The following STRN variants were observed in gnomAD, a reference collection of about 807,000 sequenced individuals.
The protein encoded by STRN is striatin.
A neutral mutation model predicts 96.3 loss-of-function variants in STRN; 53 were observed. The observed-to-expected ratio is 0.55, with a 90% CI of 0.44 to 0.69. The LOEUF is 0.69. STRN is among the 30% of genes least tolerant of loss of function. The pLI, the probability that STRN is intolerant of heterozygous loss-of-function variation, is 0.00. For synonymous variants in STRN, 428 were observed against 355.9 expected (o/e 1.20, Z -2.28); for missense variants, 987 against 963.9 (o/e 1.02, Z -0.32).
intron 1 of STRN, among the ~76,000 whole-genome samples, chr2:36,934,756 T>C (rs1670659436): frequency 6.6e-6 from 1 of 152,180 alleles, no homozygotes; most frequent in Non-Finnish European, 1.5e-5. Context: ...TCCACATTCC[T>C]ACTCACACAT....
intron 1 of STRN, among the ~76,000 whole-genome samples, chr2:36,953,039 A>T (rs946232394): frequency 6.6e-6 from 1 of 152,240 alleles, no homozygotes; most frequent in African/African-American, 2.4e-5. Flanking sequence ...TTTATTTCTC[A>T]TAACTAGATA....
chr2:36,876,191 G>C (rs1192734033), intron 10 of STRN, among the ~76,000 whole-genome samples: 1 of 151,876 alleles, frequency 6.6e-6, no homozygotes, highest in Non-Finnish European at 1.5e-5. Flanking sequence ...GATCATTTGA[G>C]CCCGGTGGGG....
chr2:36,933,307 T>A (rs2148242679), intron 1 of STRN, among the ~76,000 whole-genome samples: 1 of 152,322 alleles, frequency 6.6e-6, no homozygotes, highest in East Asian at 1.9e-4. Context: ...CCACCTTATA[T>A]AAGAAAATTG....
At chr2:36,952,016 G>A (rs1176737263) in intron 1 of STRN, among the ~76,000 whole-genome samples, 1 of 152,196 alleles carries the variant, frequency 6.6e-6, no homozygotes, top group Non-Finnish European at 1.5e-5. Flanking sequence ...GCCTGATGAT[G>A]TGAGGTGGAA....
intron 6 of STRN, among the ~76,000 whole-genome samples, chr2:36,894,478 T>A (rs1278796049): frequency 6.6e-6 from 1 of 152,186 alleles, no homozygotes; most frequent in Admixed American, 6.5e-5. Flanking sequence ...TTTTCTATAT[T>A]TAGAAATAAC....
At chr2:36,855,421 C>G in intron 14 of STRN, 69 bp from the exon 15 acceptor site, 1 of 1,525,104 alleles carries the variant, frequency 6.6e-7, no homozygotes, top group Admixed American at 2.1e-5. Flanking sequence ...TAAAATAGAG[C>G]AAAACAAAAA....
At position 36,869,604 on chromosome 2, in the gene STRN, C is replaced by G; in HGVS notation, c.1449G>C (p.Glu483Asp). 1 of 1,605,920 alleles carries G rather than the reference C, an allele frequency of 6.2e-7. No homozygotes were observed. The highest frequency in any genetic ancestry group is 8.5e-7 in the Non-Finnish European group (1 of 1,175,960). Residue 483 changes from glutamate to aspartate, a missense_variant, in exon 11 of 18, where the codon GAG becomes GAC. By Grantham distance (45) the Glu-to-Asp change is conservative. Coordinates refer to ENST00000263918, the MANE Select transcript of STRN (RefSeq NM_003162.4). ...PIEPVLITAS[E>D]DHTLKMWNLQ... ...AATTCCACATTTTTAATGTGTGATC[C>G]TCTGATGCTGTTATCAAAACAGGCT... is the stretch of plus-strand genomic sequence containing the variant.
At chr2:36,940,652 C>G (rs1403050901) in intron 1 of STRN, among the ~76,000 whole-genome samples, 1 of 150,446 alleles carries the variant, frequency 6.6e-6, no homozygotes, top group South Asian at 2.1e-4. Context: ...ATGGTGAAAC[C>G]CCATCTCTAC....
At chr2:36,904,183 G>C (rs777808751) in intron 4 of STRN, among the ~76,000 whole-genome samples, 1 of 152,094 alleles carries the variant, frequency 6.6e-6, no homozygotes, top group Non-Finnish European at 1.5e-5. Flanking sequence ...CAAAGTGTGG[G>C]CATTAGTAAA....
At chr2:36,894,839 C>T (rs1669497267) in intron 6 of STRN, among the ~76,000 whole-genome samples, 1 of 152,150 alleles carries the variant, frequency 6.6e-6, no homozygotes, top group South Asian at 2.1e-4. Flanking sequence ...AGATGACAAA[C>T]ACGTGACTTG....
chr2:36,855,830 C>T (rs1668331056), intron 14 of STRN, among the ~76,000 whole-genome samples: 1 of 151,872 alleles, frequency 6.6e-6, no homozygotes, highest in Non-Finnish European at 1.5e-5. Flanking sequence ...CTCATCAAAG[C>T]CTGGAAAGAA....
chr2:36,911,207 G>A (rs78058526), intron 3 of STRN, among the ~76,000 whole-genome samples: 1 of 152,074 alleles, frequency 6.6e-6, no homozygotes, highest in Non-Finnish European at 1.5e-5. Flanking sequence ...AAATCAATAT[G>A]CATGTAGGAG....
rs1389937493 is a variant in STRN at position 36,955,075 on chromosome 2, G to A, written c.234+11155C>T. Reference sequence around the variant, plus strand: ...AATCAGTGATAAGAATTTAAATTATGACAGCTATTCAAACCATACTTAATC... The same window carrying A: ...AATCAGTGATAAGAATTTAAATTATAACAGCTATTCAAACCATACTTAATC... On this transcript the variant is annotated intron_variant, in intron 1 of 17. Transcript: ENST00000263918. 8.5e-5 allele frequency among the ~76,000 whole-genome samples: 13 copies of A among 152,138 alleles called. No homozygotes were observed. In the East Asian group the frequency reaches 2.5e-3, roughly 29 times the overall value.
At chr2:36,924,026 T>C (rs1025096933) in intron 2 of STRN, among the ~76,000 whole-genome samples, 13 of 152,054 alleles carry the variant, frequency 8.5e-5, no homozygotes, top group African/African-American at 3.1e-4. Context: ...TCTGGAGAGA[T>C]TGTAACGGCA....
rs1399672278 is a variant in STRN, at chr2:36,843,213, T to C, written c.*6243A>G. Among the ~76,000 whole-genome samples the C allele has an allele frequency of 2.0e-5, 3 of 152,100 alleles. No individual in the cohort carries two copies. The highest frequency in any genetic ancestry group is 7.2e-5 in the African/African-American group (3 of 41,412). On this transcript the variant is annotated 3_prime_UTR_variant, in exon 18 of 18. Transcript: ENST00000263918. Reference sequence around the variant, plus strand: ...TATAATACTCATTAGTATACCAGCATACAGAACACCAAACAATGGTGGATA... The same window carrying C: ...TATAATACTCATTAGTATACCAGCACACAGAACACCAAACAATGGTGGATA...
rs1169651312 is a variant in STRN, at chr2:36,848,428, G to A, written c.*1028C>T. The A allele has an allele frequency of 1.3e-5, 2 of 152,128 alleles. No homozygotes were observed. Among genetic ancestry groups the A allele is most frequent in the African/African-American group, 2.4e-5 (1 of 41,406 alleles). 9.4% of individuals were successfully genotyped at this position (152,128 alleles called of 1,614,324 possible). A position where few individuals can be genotyped will look rare whatever the true frequency, so the allele number is the denominator to read the frequency against. On this transcript the variant is annotated 3_prime_UTR_variant, in exon 18 of 18. Coordinates refer to ENST00000263918, the MANE Select transcript of STRN (RefSeq NM_003162.4). ...TATTAATAATTATGAACTGTTCTTGGTAGATGTCAGATAACTTGAACGTGA... is the reference window on the plus strand; with the variant it reads ...TATTAATAATTATGAACTGTTCTTGATAGATGTCAGATAACTTGAACGTGA...
At chr2:36,919,732 G>C (rs987259165) in intron 2 of STRN, among the ~76,000 whole-genome samples, 5 of 152,194 alleles carry the variant, frequency 3.3e-5, no homozygotes, top group East Asian at 1.9e-4. Context: ...AAGGAGGACA[G>C]TTAAGTTACT....
In STRN at chr2:36,838,417, A is replaced by G. The variant is rs753605941; in HGVS notation, c.*11039T>C. Among the ~76,000 whole-genome samples the G allele has an allele frequency of 6.6e-6, 1 of 152,218 alleles. No individual in the cohort carries two copies. The highest frequency in any genetic ancestry group is 1.5e-5 in the Non-Finnish European group (1 of 68,030). ...TAACCTACAGAACTTTGAATAGATA[A>G]TTCAGTTCTGAGTGCAATCCAGATG... On this transcript the variant is annotated 3_prime_UTR_variant, in exon 18 of 18. Transcript: ENST00000263918.
chr2:36,849,535 A>G lies in STRN; in HGVS notation c.2264T>C (p.Ile755Thr). The G allele has an allele frequency of 6.2e-7, 1 of 1,614,146 alleles. No individual in the cohort carries two copies. The highest frequency in any genetic ancestry group is 8.5e-7 in the Non-Finnish European group (1 of 1,180,004). ...TAHRKKFEES[I>T]HDVAFHPSKC... ...GGATGGGTGGAAAGCTACATCATGA[A>G]TCGATTCTTCAAACTTTTTTCGATG... Residue 755 changes from isoleucine (I) to threonine (T), a missense_variant, in exon 18 of 18, where the codon ATT becomes ACT. Transcript: ENST00000263918.
Sources: allele counts gnomAD v4.1 joint callset (sites outside exome capture counted in the v4.1 genomes callset), GRCh38; gene constraint gnomAD v4.1.1; transcripts MANE v1.5; gene names NCBI Gene and HGNC (gene_info 2026-07-23, HGNC 2026-07-21).